The following RAB40B variants were observed in gnomAD, a reference collection of about 807,000 sequenced individuals.
RAB40B encodes the protein RAB40B, member RAS oncogene family.
RAB40B carries 21 observed loss-of-function variants against 24.0 expected under a neutral mutation model. The observed-to-expected ratio is 0.88, with a 90% CI of 0.62 to 1.26. The LOEUF is 1.26. Among genes scored for constraint, RAB40B ranks in the 50% most tolerant of loss-of-function variants. RAB40B has a pLI of 0.00. For synonymous variants in RAB40B, 167 were observed against 169.8 expected, an observed-to-expected ratio of 0.98 and a Z score of 0.13; for missense variants, 348 against 390.5, an observed-to-expected ratio of 0.89 and a Z score of 0.92.
At chr17:82,671,345 C>A (rs1243444410) in intron 1 of RAB40B, among the ~76,000 whole-genome samples, 1 of 151,268 alleles carries the variant, frequency 6.6e-6, no homozygotes, top group Non-Finnish European at 1.5e-5. Flanking sequence ...TACTGACACA[C>A]CTCACCCCTG....
At chr17:82,693,684 T>C (rs2046580779) in intron 1 of RAB40B, among the ~76,000 whole-genome samples, 1 of 151,844 alleles carries the variant, frequency 6.6e-6, no homozygotes, top group African/African-American at 2.4e-5. Flanking sequence ...TAAATCACGG[T>C]AGAGTCACAA....
chr17:82,667,211 C>A lies in RAB40B; in HGVS notation c.143-2655G>T, dbSNP rs1263418048. On this transcript the variant is annotated intron_variant, in intron 1 of 5. Transcript: ENST00000571995. The surrounding 1 kb of genome is among the most constrained non-coding windows in gnomAD (Gnocchi z 4.3). ...TAGAACCCTTGGACTTGGCCACAAG[C>A]CCCCCTGCATCCCAGGAGGCAGTGT... 1.3e-5 allele frequency among the ~76,000 whole-genome samples: 2 copies of A among 152,244 alleles called. No homozygotes were observed. Among genetic ancestry groups the A allele is most frequent in the African/African-American group, 4.8e-5 (2 of 41,476 alleles).
intron 1 of RAB40B, among the ~76,000 whole-genome samples, chr17:82,681,020 CAAAAAAAAAAAAAAAAAA>C (rs201799464): frequency 6.4e-5 from 6 of 93,958 alleles, no homozygotes; most frequent in African/African-American, 8.8e-5. Flanking sequence ...GACTCCATCT[CAAAAAAAAAAAAAAAAAA>C]AAAAAAAAAA....
At position 82,669,728 on chromosome 17, in the gene RAB40B, G is replaced by A. The variant is rs961911937; in HGVS notation, c.143-5172C>T. ...TAGATAGTTCTACTAGCCCCAGCGCGGGAGCTTCAGGCCCTGTGAAATTAC... is the reference window on the plus strand; with the variant it reads ...TAGATAGTTCTACTAGCCCCAGCGCAGGAGCTTCAGGCCCTGTGAAATTAC... On this transcript the variant is annotated intron_variant, in intron 1 of 5. Coordinates refer to ENST00000571995, the MANE Select transcript of RAB40B (RefSeq NM_006822.3). Among the ~76,000 whole-genome samples, 4 of 152,196 alleles carry A rather than the reference G, an allele frequency of 2.6e-5. No homozygotes were observed. The South Asian group carries it at 6.2e-4, about 24-fold the overall frequency.
Position 82,698,610 on chromosome 17 carries a change from C to T in RAB40B, c.-14G>A, listed in dbSNP as rs199644115. 4,778 of 1,435,290 alleles carry T rather than the reference C, an allele frequency of 3.3e-3. 16 individuals are homozygous for T. The highest frequency in any genetic ancestry group is 4.0e-3 in the Non-Finnish European group (4,323 of 1,077,786). The allele number at this position is 1,435,290 out of a possible 1,614,324, so 88.9% of individuals were successfully genotyped here. ...CAGGGCGCTCATCGTGACGGCCCGG[C>T]GCCCCCACCCATGCCCGGCCTGCGG... On this transcript the variant is annotated 5_prime_UTR_variant, in exon 1 of 6. Coordinates refer to ENST00000571995, the MANE Select transcript of RAB40B (RefSeq NM_006822.3).
intron 3 of RAB40B, among the ~76,000 whole-genome samples, chr17:82,660,716 G>A (rs1432647285): frequency 6.7e-6 from 1 of 148,382 alleles, no homozygotes; most frequent in Admixed American, 6.7e-5. Context: ...AGGCACTCAT[G>A]CACAGATGCA....
chr17:82,696,655 C>T (rs2046612711), intron 1 of RAB40B: 1 of 20,528 alleles, frequency 4.9e-5, no homozygotes, highest in Admixed American at 4.5e-4. Context: ...GTCCTCCAGG[C>T]GCTCAATCTC....
intron 1 of RAB40B, among the ~76,000 whole-genome samples, chr17:82,680,059 T>C (rs2046434514): frequency 1.3e-5 from 2 of 152,326 alleles, no homozygotes; most frequent in Non-Finnish European, 2.9e-5. Context: ...GGACATCTTG[T>C]GACCACAACT....
intron 1 of RAB40B, among the ~76,000 whole-genome samples, chr17:82,681,831 C>T (rs1239876773): frequency 4.6e-5 from 7 of 152,010 alleles, no homozygotes; most frequent in African/African-American, 1.5e-4. Flanking sequence ...TACCTTTTCA[C>T]AACAAAAGCT....
chr17:82,669,462 C>T (rs969809364), intron 1 of RAB40B, among the ~76,000 whole-genome samples: 9 of 151,544 alleles, frequency 5.9e-5, no homozygotes, highest in African/African-American at 1.9e-4. Flanking sequence ...GCAACAAGAG[C>T]GAAACTCTGT....
chr17:82,665,089 G>A (rs1243269870), intron 1 of RAB40B, among the ~76,000 whole-genome samples: 3 of 152,192 alleles, frequency 2.0e-5, no homozygotes, highest in East Asian at 3.8e-4. Context: ...TCTCAGCTGT[G>A]TACATGTGCA....
chr17:82,691,661 G>A (rs530216847), intron 1 of RAB40B, among the ~76,000 whole-genome samples: 16 of 152,242 alleles, frequency 1.1e-4, no homozygotes, highest in South Asian at 6.2e-4. Flanking sequence ...CAGCCTGGGC[G>A]ACAGAGCGAG....
rs939981314 is a variant in RAB40B, at chr17:82,697,592, G to T, written c.142+863C>A. On this transcript the variant is annotated intron_variant, in intron 1 of 5. Transcript: ENST00000571995. The surrounding 1 kb of genome is among the most constrained non-coding windows in gnomAD (Gnocchi z 4.9). The stretch of plus-strand genomic sequence containing the variant: ...CAGCCTCAGGGTCGGCCTCGTCCAA[G>T]CTGTTCCAGGGATGCGCGTGGGTGA... Among the ~76,000 whole-genome samples the T allele has an allele frequency of 2.0e-5, 3 of 152,230 alleles. No homozygotes were observed. Among genetic ancestry groups the T allele is most frequent in the Admixed American group, 6.5e-5 (1 of 15,292 alleles).
chr17:82,694,761 C>T (rs1239577591), intron 1 of RAB40B, among the ~76,000 whole-genome samples: 1 of 151,556 alleles, frequency 6.6e-6, no homozygotes, highest in East Asian at 1.9e-4. Flanking sequence ...CACATGTGAG[C>T]CAGGGGATGG....
chr17:82,675,748 C>G lies in RAB40B; in HGVS notation c.143-11192G>C, dbSNP rs954309497. Among the ~76,000 whole-genome samples, 36 of 152,292 alleles carry G rather than the reference C, an allele frequency of 2.4e-4. No individual in the cohort carries two copies. Among genetic ancestry groups the G allele is most frequent in the African/African-American group, 8.7e-4 (36 of 41,552 alleles). ...CACTCATCCCATCCACAAAGCCCCA[C>G]GTGACCTAATCATCTTCCAATAGCC... is the stretch of plus-strand genomic sequence containing the variant. On this transcript the variant is annotated intron_variant, in intron 1 of 5. Coordinates refer to ENST00000571995, the MANE Select transcript of RAB40B (RefSeq NM_006822.3). The surrounding 1 kb of genome is among the most constrained non-coding windows in gnomAD (Gnocchi z 4.5).
rs767836607 is a variant in RAB40B at position 82,655,730 on chromosome 17, C to T, written c.*2133G>A. On this transcript the variant is annotated 3_prime_UTR_variant, in exon 6 of 6. Coordinates refer to ENST00000571995, the MANE Select transcript of RAB40B (RefSeq NM_006822.3). Reference sequence around the variant, plus strand: ...CAGCGTGCCTGCACGAGGCTGGCCACCCTCTCCAGACACTGTCCCCTCAGG... The same window carrying T: ...CAGCGTGCCTGCACGAGGCTGGCCATCCTCTCCAGACACTGTCCCCTCAGG... The T allele has an allele frequency of 1.3e-5, 2 of 152,264 alleles. No homozygotes were observed. Among genetic ancestry groups the T allele is most frequent in the African/African-American group, 4.8e-5 (2 of 41,446 alleles). The allele number at this position is 152,264 out of a possible 1,614,324, so 9.4% of individuals were successfully genotyped here.
At chr17:82,679,135 G>A (rs564873116) in intron 1 of RAB40B, among the ~76,000 whole-genome samples, 35 of 149,934 alleles carry the variant, frequency 2.3e-4, no homozygotes, top group African/African-American at 8.1e-4. Flanking sequence ...CACCTGCCTC[G>A]GCCTCCCAAA....
At chr17:82,660,346 C>G (rs1185197868) in intron 3 of RAB40B, among the ~76,000 whole-genome samples, 1 of 150,536 alleles carries the variant, frequency 6.6e-6, no homozygotes, top group Non-Finnish European at 1.5e-5. Context: ...TACCTGCACG[C>G]ACGTGTACAC....
In RAB40B at chr17:82,687,335, G is replaced by T. The variant is rs1598315739; in HGVS notation, c.142+11120C>A. Among the ~76,000 whole-genome samples the T allele has an allele frequency of 3.3e-5, 5 of 152,178 alleles. 1 individual carries two copies. In the South Asian group the frequency reaches 1.0e-3, roughly 32 times the overall value. On this transcript the variant is annotated intron_variant, in intron 1 of 5. Transcript: ENST00000571995. ...ATAACTTCTGGCCTTATGTATTAGG[G>T]TCACTAAAGTTTAATATGTATATTT...
Sources: gnomAD v4.1 joint callset for allele counts (sites outside exome capture counted in the v4.1 genomes callset) on GRCh38, gnomAD v4.1.1 for gene constraint, Gnocchi (gnomAD v3.1) non-coding constraint, MANE v1.5 for transcripts, NCBI Gene and HGNC (gene_info 2026-07-23, HGNC 2026-07-21) for gene names.